Variants in SAMD12 observed in about 807,000 individuals in gnomAD.
SAMD12 encodes the protein sterile alpha motif domain containing 12, also known as sterile alpha motif domain-containing protein 12.
In SAMD12, 9 loss-of-function variants were observed where a neutral mutation model predicts 15.0. That is an observed-to-expected ratio of 0.60 (90% CI 0.36 to 1.05). The LOEUF (loss-of-function observed/expected upper bound fraction) is 1.05, where lower values mean the gene tolerates loss of function less well. Ranked by LOEUF, SAMD12 falls within the 50% of genes least tolerant of loss-of-function variation. The pLI, the probability that SAMD12 is intolerant of heterozygous loss-of-function variation, is 0.01. For synonymous variants in SAMD12, 86 were observed against 90.1 expected (o/e 0.96, Z 0.25); for missense variants, 230 against 234.2 (o/e 0.98, Z 0.12).
chr8:118,155,529 T>C, the SAMD12 span, among the ~76,000 whole-genome samples: 1 of 152,228 alleles, frequency 6.6e-6, no homozygotes, highest in African/African-American at 2.4e-5. Context: ...TGCTCACTGA[T>C]ATAAATTGCA....
chr8:118,197,760 G>T (rs531500953), intron 4 of SAMD12: 2 of 1,607,180 alleles, frequency 1.2e-6, no homozygotes, highest in Non-Finnish European at 1.7e-6. Context: ...GGGAAATATG[G>T]TAAGTTCTTT....
chr8:118,592,098 G>C (rs935665643), intron 1 of SAMD12, among the ~76,000 whole-genome samples: 1 of 152,114 alleles, frequency 6.6e-6, no homozygotes, highest in Non-Finnish European at 1.5e-5. Context: ...AAGGTGGGTG[G>C]ATCACCTGAG....
intron 3 of SAMD12, among the ~76,000 whole-genome samples, chr8:118,418,925 A>G (rs1304015885): frequency 6.6e-6 from 1 of 152,198 alleles, no homozygotes; most frequent in Non-Finnish European, 1.5e-5. Context: ...GGATTACTGT[A>G]TAATTTTCCT....
intron 2 of SAMD12, among the ~76,000 whole-genome samples, chr8:118,472,777 C>T (rs1263995054): frequency 4.1e-5 from 5 of 122,470 alleles, no homozygotes; most frequent in Admixed American, 1.7e-4. Flanking sequence ...TGGCTGGTTA[C>T]AGTAAAAAAG....
intron 4 of SAMD12, among the ~76,000 whole-genome samples, chr8:118,233,842 T>C (rs530537020): frequency 2.0e-5 from 3 of 152,292 alleles, no homozygotes; most frequent in Admixed American, 6.5e-5. Flanking sequence ...ATTTTTGAAA[T>C]GGTAAGTTGT....
At chr8:118,495,295 G>A (rs1295370397) in intron 2 of SAMD12, among the ~76,000 whole-genome samples, 2 of 152,152 alleles carry the variant, frequency 1.3e-5, no homozygotes, top group African/African-American at 4.8e-5. Flanking sequence ...CACAGCACAT[G>A]AGTCTCAGAA....
intron 3 of SAMD12, among the ~76,000 whole-genome samples, chr8:118,423,854 C>A (rs143270727): frequency 5.3e-5 from 8 of 151,980 alleles, no homozygotes; most frequent in Admixed American, 6.6e-5. Context: ...AAACAATATA[C>A]GAAAAATACT....
At chr8:118,524,377 T>G (rs1825476986) in intron 2 of SAMD12, among the ~76,000 whole-genome samples, 1 of 152,112 alleles carries the variant, frequency 6.6e-6, no homozygotes, top group Non-Finnish European at 1.5e-5. Flanking sequence ...ATGACTCACC[T>G]CCCTTCCCTC....
the SAMD12 span, among the ~76,000 whole-genome samples, chr8:118,163,691 C>T: frequency 2.6e-5 from 4 of 151,942 alleles, no homozygotes; most frequent in East Asian, 2.0e-4. Context: ...CTGGCTAACA[C>T]GGTGAAACCC....
At chr8:118,558,121 A>G (rs917917947) in intron 2 of SAMD12, among the ~76,000 whole-genome samples, 1 of 152,232 alleles carries the variant, frequency 6.6e-6, no homozygotes, top group Non-Finnish European at 1.5e-5. Context: ...TAAAAAGTAT[A>G]TCTACGCAAG....
chr8:118,136,600 CCACG>C, the SAMD12 span, among the ~76,000 whole-genome samples: 1 of 152,152 alleles, frequency 6.6e-6, no homozygotes, highest in African/African-American at 2.4e-5. Context: ...CTGGGTTTTC[CCACG>C]AGCTTCCAGA....
At chr8:118,546,267 A>G (rs1386233348) in intron 2 of SAMD12, among the ~76,000 whole-genome samples, 2 of 152,240 alleles carry the variant, frequency 1.3e-5, no homozygotes, top group Admixed American at 1.3e-4. Context: ...AGTAGCACTT[A>G]GCATTAAATG....
chr8:118,370,789 G>C (rs898928817), intron 4 of SAMD12, among the ~76,000 whole-genome samples: 2 of 152,084 alleles, frequency 1.3e-5, no homozygotes, highest in African/African-American at 4.8e-5. Flanking sequence ...TGTCAGGGTG[G>C]AGGGTGAGGG....
In SAMD12 at chr8:118,531,885, C is replaced by T. The variant is rs185388511; in HGVS notation, c.192+48830G>A. On this transcript the variant is annotated intron_variant, in intron 2 of 3. Transcript: ENST00000314727. ...ATGTCAACTGCAAACAGGGACAATT[C>T]GACTTCCTCTTTTCCTAATTGAATA... Among the ~76,000 whole-genome samples the T allele has an allele frequency of 1.3e-3, 197 of 152,194 alleles. 1 individual carries two copies. Among genetic ancestry groups the T allele is most frequent in the South Asian group, 9.6e-3 (46 of 4,810 alleles).
chr8:118,513,385 G>T (rs1825140504), intron 2 of SAMD12, among the ~76,000 whole-genome samples: 1 of 152,122 alleles, frequency 6.6e-6, no homozygotes, highest in South Asian at 2.1e-4. Context: ...AAAGCTGTGG[G>T]GATTGCAAAG....
At position 118,621,858 on chromosome 8, in the gene SAMD12, G is replaced by C; in HGVS notation, c.-42C>G. ...TAACGCATGCATAATTTTCTTGGCC[G>C]AGGTACTCCTCCTGCCCCGCGCTCC... is the stretch of plus-strand genomic sequence containing the variant. On this transcript the variant is annotated 5_prime_UTR_variant, in exon 1 of 4. Transcript: ENST00000314727. 1 of 1,609,198 alleles carries C rather than the reference G, an allele frequency of 6.2e-7. No individual in the cohort carries two copies. The highest frequency in any genetic ancestry group is 8.5e-7 in the Non-Finnish European group (1 of 1,175,520).
intron 4 of SAMD12, among the ~76,000 whole-genome samples, chr8:118,223,173 T>C (rs968652607): frequency 6.6e-6 from 1 of 152,196 alleles, no homozygotes; most frequent in African/African-American, 2.4e-5. Flanking sequence ...CAAATAAATA[T>C]CTTCTCTTGA....
chr8:118,611,766 T>C (rs1828118580), intron 1 of SAMD12, among the ~76,000 whole-genome samples: 1 of 152,222 alleles, frequency 6.6e-6, no homozygotes, highest in African/African-American at 2.4e-5. Flanking sequence ...ATTTGAATTT[T>C]TGAATATTTG....
intron 2 of SAMD12, among the ~76,000 whole-genome samples, chr8:118,483,444 A>C (rs1824186284): frequency 6.6e-6 from 1 of 152,198 alleles, no homozygotes; most frequent in Non-Finnish European, 1.5e-5. Context: ...GGTCATTTAC[A>C]ATTTGCTTTA....
Sources: allele counts gnomAD v4.1 joint callset (sites outside exome capture counted in the v4.1 genomes callset), GRCh38; gene constraint gnomAD v4.1.1; transcripts MANE v1.5; gene names NCBI Gene and HGNC (gene_info 2026-07-23, HGNC 2026-07-21).